The following EXOC6B variants were observed in gnomAD, a reference collection of about 807,000 sequenced individuals.
EXOC6B encodes SEC15 homolog B.
A neutral mutation model predicts 113.5 loss-of-function variants in EXOC6B; 54 were observed. That is an observed-to-expected ratio of 0.48 (90% CI 0.38 to 0.60). The LOEUF is 0.60. Among genes scored for constraint, EXOC6B ranks in the 20% least tolerant of loss-of-function variants. The probability of loss-of-function intolerance (pLI) is 0.00; values close to 1 mark genes in which losing one functional copy is unlikely to be tolerated. For synonymous variants in EXOC6B, 357 were observed against 339.0 expected (o/e 1.05, Z -0.58); for missense variants, 797 against 977.5 (o/e 0.82, Z 2.46).
intron 6 of EXOC6B, among the ~76,000 whole-genome samples, chr2:72,707,419 C>CTTT (rs1299173430): frequency 7.0e-6 from 1 of 143,436 alleles, no homozygotes; most frequent in African/African-American, 2.6e-5. Flanking sequence ...TTTTTCTTTT[C>CTTT]TTTTTTTTTT....
intron 7 of EXOC6B, among the ~76,000 whole-genome samples, chr2:72,560,789 C>T (rs1703846183): frequency 6.6e-6 from 1 of 150,664 alleles, no homozygotes; most frequent in Non-Finnish European, 1.5e-5. Context: ...AATCTAAAAA[C>T]TGATAGTAAG....
intron 6 of EXOC6B, among the ~76,000 whole-genome samples, chr2:72,671,674 G>T (rs758918323): frequency 1.3e-5 from 2 of 150,242 alleles, no homozygotes; most frequent in Non-Finnish European, 1.5e-5. Flanking sequence ...CTCTAGCTTA[G>T]GCAACAAGAG....
At chr2:72,447,530 C>T (rs186868779) in intron 18 of EXOC6B, among the ~76,000 whole-genome samples, 34 of 152,220 alleles carry the variant, frequency 2.2e-4, no homozygotes, top group African/African-American at 7.2e-4. Context: ...AGTATATTGA[C>T]ATCATTTCTA....
chr2:72,710,402 A>G (rs956438370), intron 6 of EXOC6B, among the ~76,000 whole-genome samples: 7 of 152,130 alleles, frequency 4.6e-5, no homozygotes, highest in African/African-American at 1.7e-4. Flanking sequence ...AATACAAGTA[A>G]TTTTTTAAGG....
chr2:72,548,870 T>A (rs934728618), intron 8 of EXOC6B, among the ~76,000 whole-genome samples: 1 of 151,772 alleles, frequency 6.6e-6, no homozygotes, highest in Non-Finnish European at 1.5e-5. Flanking sequence ...GTCCACTGAG[T>A]TCAAGCTGAA....
chr2:72,204,183 G>C (rs1377351913), intron 20 of EXOC6B, among the ~76,000 whole-genome samples: 2 of 152,170 alleles, frequency 1.3e-5, no homozygotes, highest in Admixed American at 6.5e-5. Context: ...CTGTGTGGTA[G>C]AGTAGAGAAG....
At chr2:72,620,164 C>A (rs1033171386) in intron 6 of EXOC6B, among the ~76,000 whole-genome samples, 1 of 152,222 alleles carries the variant, frequency 6.6e-6, no homozygotes, top group Non-Finnish European at 1.5e-5. Flanking sequence ...ATATGGGCAG[C>A]CTCTGCAGCC....
chr2:72,280,354 T>TC (rs1365971780), intron 20 of EXOC6B, among the ~76,000 whole-genome samples: 1 of 151,582 alleles, frequency 6.6e-6, no homozygotes, highest in East Asian at 1.9e-4. Flanking sequence ...TCATAACCCT[T>TC]TTTTTTTAGA....
chr2:72,751,489 T>C (rs2104856012), intron 1 of EXOC6B, among the ~76,000 whole-genome samples: 1 of 152,150 alleles, frequency 6.6e-6, no homozygotes, highest in East Asian at 1.9e-4. Context: ...TAAATGTTTC[T>C]CATCAGACTT....
rs201814463 is a variant in EXOC6B, at chr2:72,741,416, C to G, written c.167G>C (p.Arg56Pro). 1 of 1,613,580 alleles carries G rather than the reference C, an allele frequency of 6.2e-7. No homozygotes were observed. The highest frequency in any genetic ancestry group is 8.5e-7 in the Non-Finnish European group (1 of 1,179,778). Residue 56 changes from arginine (R) to proline (P), a missense_variant, in exon 2 of 22, where the codon CGT becomes CCT. Physicochemically the swap from Arg to Pro is moderately radical, Grantham distance 103 (BLOSUM62 -2). Transcript: ENST00000272427. ...AATTTCTCGGTCGTGATTACGGATACGAGTTTCAAGCTTCTCCATGAAACG... is the reference window on the plus strand; with the variant it reads ...AATTTCTCGGTCGTGATTACGGATAGGAGTTTCAAGCTTCTCCATGAAACG... The part of the protein sequence containing the change: ...HGRFMEKLET[R>P]IRNHDREIEK...
intron 20 of EXOC6B, among the ~76,000 whole-genome samples, chr2:72,265,687 T>A (rs1343605965): frequency 1.3e-5 from 2 of 151,946 alleles, no homozygotes; most frequent in African/African-American, 4.8e-5. Flanking sequence ...AAGTCTTTGC[T>A]ATTGTGAATA....
chr2:72,497,557 G>C (rs1183327965), intron 13 of EXOC6B, among the ~76,000 whole-genome samples: 2 of 152,046 alleles, frequency 1.3e-5, no homozygotes, highest in Non-Finnish European at 2.9e-5. Context: ...ATATCCTATA[G>C]AGATAAGACT....
intron 17 of EXOC6B, among the ~76,000 whole-genome samples, chr2:72,472,199 G>A (rs900960334): frequency 3.6e-4 from 55 of 152,094 alleles, no homozygotes; most frequent in African/African-American, 1.3e-3. Flanking sequence ...CCTTTTTCTG[G>A]TTTTGGTATC....
At chr2:72,189,979 G>C (rs1461422916) in intron 20 of EXOC6B, among the ~76,000 whole-genome samples, 1 of 145,550 alleles carries the variant, frequency 6.9e-6, no homozygotes, top group African/African-American at 2.6e-5. Flanking sequence ...CTCCCGAGTA[G>C]CTGGGACTAC....
intron 18 of EXOC6B, among the ~76,000 whole-genome samples, chr2:72,460,981 G>A (rs1697611621): frequency 6.6e-6 from 1 of 151,620 alleles, no homozygotes; most frequent in Non-Finnish European, 1.5e-5. Flanking sequence ...ATGATAGACT[G>A]GATTAAGAAA....
intron 7 of EXOC6B, among the ~76,000 whole-genome samples, chr2:72,564,496 T>C (rs1704055581): frequency 6.6e-6 from 1 of 152,234 alleles, no homozygotes; most frequent in South Asian, 2.1e-4. Flanking sequence ...CATTAAAATG[T>C]ACCAGGCATT....
intron 6 of EXOC6B, among the ~76,000 whole-genome samples, chr2:72,691,676 T>C (rs1275797403): frequency 2.0e-5 from 3 of 150,986 alleles, no homozygotes; most frequent in Non-Finnish European, 2.9e-5. Flanking sequence ...CAATGTTGTA[T>C]ATCTATTTTT....
chr2:72,269,703 T>C (rs1187241661), intron 20 of EXOC6B, among the ~76,000 whole-genome samples: 1 of 152,130 alleles, frequency 6.6e-6, no homozygotes, highest in Non-Finnish European at 1.5e-5. Flanking sequence ...TTCAGCCACT[T>C]AGTGTCACTT....
At chr2:72,629,851 A>T (rs1185339603) in intron 6 of EXOC6B, among the ~76,000 whole-genome samples, 1 of 152,124 alleles carries the variant, frequency 6.6e-6, no homozygotes, top group Non-Finnish European at 1.5e-5. Flanking sequence ...TCTACCCACA[A>T]CATGCCATCC....
Sources: allele counts gnomAD v4.1 joint callset (sites outside exome capture counted in the v4.1 genomes callset), GRCh38; gene constraint gnomAD v4.1.1; transcripts MANE v1.5; gene names NCBI Gene and HGNC (gene_info 2026-07-23, HGNC 2026-07-21).